The following FER1L6 variants were observed in gnomAD, a reference collection of about 807,000 sequenced individuals.
FER1L6 encodes the protein fer-1 like family member 6, also known as fer-1-like protein 6.
In FER1L6, 177 loss-of-function variants were observed where a neutral mutation model predicts 219.2. The ratio of observed to expected loss-of-function variants is 0.81; its 90% CI spans 0.71 to 0.91. The LOEUF (loss-of-function observed/expected upper bound fraction) is 0.91. FER1L6 is among the 40% of genes least tolerant of loss of function. The probability of loss-of-function intolerance (pLI) is 0.00; values close to 1 mark genes in which losing one functional copy is unlikely to be tolerated. For missense variants in FER1L6, 2,153 were observed against 2,259.9 expected (o/e 0.95, Z 0.96); for synonymous variants, 768 against 824.3 (o/e 0.93, Z 1.17).
intron 11 of FER1L6, among the ~76,000 whole-genome samples, chr8:123,982,625 A>G (rs1388861194): frequency 6.6e-6 from 1 of 152,228 alleles, no homozygotes; most frequent in Non-Finnish European, 1.5e-5. Flanking sequence ...TTGGCAGCTT[A>G]AAACAACAAA....
intron 1 of FER1L6, among the ~76,000 whole-genome samples, chr8:123,866,774 T>C (rs923113623): frequency 1.3e-5 from 2 of 152,058 alleles, no homozygotes; most frequent in African/African-American, 4.8e-5. Context: ...CCTGTGACCA[T>C]ACCTGGCTAA....
At chr8:124,066,602 C>A in intron 27 of FER1L6, 52 bp downstream of exon 27, 1 of 1,596,910 alleles carries the variant, frequency 6.3e-7, no homozygotes, top group South Asian at 1.1e-5. Context: ...GGAAACACAG[C>A]ACCTTCTCCT....
intron 18 of FER1L6, among the ~76,000 whole-genome samples, chr8:124,034,917 T>G (rs1016381165): frequency 2.0e-5 from 3 of 152,246 alleles, no homozygotes; most frequent in Admixed American, 1.3e-4. Flanking sequence ...ACTTAAAAAC[T>G]GAGCCATCAC....
intron 12 of FER1L6, among the ~76,000 whole-genome samples, chr8:123,998,832 T>C (rs755609853): frequency 9.9e-5 from 15 of 152,172 alleles, no homozygotes; most frequent in Non-Finnish European, 1.9e-4. Flanking sequence ...TCTCTACCCA[T>C]GACCACTGCC....
chr8:123,927,383 A>C (rs1327962446), intron 1 of FER1L6, among the ~76,000 whole-genome samples: 1 of 152,206 alleles, frequency 6.6e-6, no homozygotes, highest in Non-Finnish European at 1.5e-5. Context: ...TCTACTATCC[A>C]GGTTTCTAAT....
At chr8:124,060,937 G>A (rs184575925) in intron 24 of FER1L6, 12 of 398,988 alleles carry the variant, frequency 3.0e-5, no homozygotes, top group African/African-American at 1.4e-4. Context: ...TCCTATAACA[G>A]TGGTTCCCAA....
At chr8:123,978,987 T>C (rs945720004) in intron 10 of FER1L6, among the ~76,000 whole-genome samples, 4 of 152,186 alleles carry the variant, frequency 2.6e-5, no homozygotes, top group Admixed American at 6.5e-5. Context: ...AAGATATACA[T>C]CAGTGATTTA....
chr8:124,030,417 G>GC (rs1818905654), intron 18 of FER1L6, among the ~76,000 whole-genome samples: 1 of 152,070 alleles, frequency 6.6e-6, no homozygotes, highest in Non-Finnish European at 1.5e-5. Flanking sequence ...GCAGAACTCA[G>GC]CCCAACTCAC....
chr8:123,898,138 TAAA>T (rs1032093827), intron 1 of FER1L6, among the ~76,000 whole-genome samples: 1 of 152,112 alleles, frequency 6.6e-6, no homozygotes, highest in African/African-American at 2.4e-5. Flanking sequence ...AGTGTAAAAA[TAAA>T]AAATCAGTTA....
intron 1 of FER1L6, among the ~76,000 whole-genome samples, chr8:123,908,347 T>G (rs1009476380): frequency 6.6e-6 from 1 of 152,214 alleles, no homozygotes; most frequent in African/African-American, 2.4e-5. Flanking sequence ...TACTCTGCAA[T>G]TGGGAGTGGT....
intron 11 of FER1L6, among the ~76,000 whole-genome samples, 161 bp downstream of exon 11, chr8:123,980,972 C>T (rs538054635): frequency 2.6e-4 from 40 of 152,306 alleles, no homozygotes; most frequent in Non-Finnish European, 3.8e-4. Flanking sequence ...TCCTCTGCCC[C>T]CTCTTGCACA....
At chr8:123,931,139 T>A (rs1813747253) in intron 1 of FER1L6, among the ~76,000 whole-genome samples, 2 of 152,182 alleles carry the variant, frequency 1.3e-5, no homozygotes, top group Non-Finnish European at 2.9e-5. Flanking sequence ...TGCCTGCATT[T>A]TCCGCAGTAT....
At chr8:124,029,483 A>G (rs1185938918) in intron 18 of FER1L6, among the ~76,000 whole-genome samples, 1 of 152,164 alleles carries the variant, frequency 6.6e-6, no homozygotes, top group Non-Finnish European at 1.5e-5. Flanking sequence ...GTGAGATGGT[A>G]TCTCACTGTG....
intron 5 of FER1L6, 34 bp from the exon 6 acceptor site, chr8:123,970,001 G>A: frequency 2.5e-6 from 4 of 1,590,124 alleles, no homozygotes; most frequent in Non-Finnish European, 3.5e-6. Context: ...GCAAGTCTGG[G>A]GTTGATGACC....
chr8:123,954,149 G>C (rs1179642420), intron 1 of FER1L6, among the ~76,000 whole-genome samples: 2 of 152,160 alleles, frequency 1.3e-5, no homozygotes, highest in African/African-American at 4.8e-5. Context: ...TGAGGATCAG[G>C]GAGGTACTGG....
chr8:123,975,697 C>T (rs921146114), intron 8 of FER1L6, among the ~76,000 whole-genome samples: 1 of 152,168 alleles, frequency 6.6e-6, no homozygotes, highest in African/African-American at 2.4e-5. Flanking sequence ...ATCCTAGGAC[C>T]TGAACGAGTT....
At chr8:123,880,227 T>A (rs1436071582) in intron 1 of FER1L6, among the ~76,000 whole-genome samples, 1 of 152,030 alleles carries the variant, frequency 6.6e-6, no homozygotes, top group Non-Finnish European at 1.5e-5. Flanking sequence ...AACCAACTGA[T>A]CAACTGATTG....
chr8:123,961,296 G>C (rs1815265050), intron 2 of FER1L6, among the ~76,000 whole-genome samples: 1 of 151,796 alleles, frequency 6.6e-6, no homozygotes, highest in South Asian at 2.1e-4. Flanking sequence ...TAGAAGCTTG[G>C]GCCCCACCCA....
intron 18 of FER1L6, among the ~76,000 whole-genome samples, chr8:124,033,100 A>G (rs566844822): frequency 1.3e-5 from 2 of 152,358 alleles, no homozygotes; most frequent in Non-Finnish European, 2.9e-5. Context: ...ACCAGGGCCT[A>G]GAATGATAGA....
Sources: gnomAD v4.1 joint callset for allele counts (sites outside exome capture counted in the v4.1 genomes callset) on GRCh38, gnomAD v4.1.1 for gene constraint, MANE v1.5 for transcripts, NCBI Gene and HGNC (gene_info 2026-07-23, HGNC 2026-07-21) for gene names.